Variants in SH3D19 observed in about 807,000 individuals in gnomAD.
The protein encoded by SH3D19 is SH3 domain containing 19.
Under a neutral mutation model 112.1 loss-of-function variants are expected in SH3D19, and 58 were observed. That is an observed-to-expected ratio of 0.52 (90% CI 0.42 to 0.64). SH3D19 has a LOEUF of 0.64. Ranked by LOEUF, SH3D19 falls within the 30% of genes least tolerant of loss-of-function variation. SH3D19 has a pLI of 0.00. For synonymous variants in SH3D19, 391 were observed against 448.5 expected (o/e 0.87, Z 1.62); for missense variants, 1,090 against 1,263.4 (o/e 0.86, Z 2.08).
In SH3D19 at chr4:151,122,181, T is replaced by G; in HGVS notation, c.3054A>C (p.Glu1018Asp). ...FKAGDIITELESVDDDWMSGE... is the reference protein window; with the variant it reads ...FKAGDIITELDSVDDDWMSGE... ...CACTCATCCAGTCATCATCTACAGATTCCAGCTCTGTTATTATATCTCCAG... is the reference window on the plus strand; with the variant it reads ...CACTCATCCAGTCATCATCTACAGAGTCCAGCTCTGTTATTATATCTCCAG... The change falls in exon 20 of 20, where the codon GAA becomes GAC. Residue 1018 changes from glutamate (E) to aspartate (D), a missense_variant. By Grantham distance (45) the Glu-to-Asp change is conservative. Coordinates refer to ENST00000604030, the MANE Select transcript of SH3D19 (RefSeq NM_001378122.1). 6.2e-7 allele frequency: 1 copy of G among 1,607,332 alleles called. No individual in the cohort carries two copies. The highest frequency in any genetic ancestry group is 8.5e-7 in the Non-Finnish European group (1 of 1,174,224).
intron 2 of SH3D19, 80 bp from the exon 3 acceptor site, chr4:151,187,543 G>T: frequency 1.3e-6 from 1 of 799,158 alleles, no homozygotes; most frequent in Non-Finnish European, 1.7e-6. Flanking sequence ...GTCATTTCTG[G>T]GATTCAATAT....
intron 9 of SH3D19, among the ~76,000 whole-genome samples, chr4:151,152,955 C>A (rs766201901): frequency 8.6e-5 from 13 of 151,824 alleles, no homozygotes; most frequent in Non-Finnish European, 1.3e-4. Flanking sequence ...CTTGCCTCAG[C>A]CTCTTGAGTA....
chr4:151,244,304 A>G (rs1184020590), intron 1 of SH3D19, among the ~76,000 whole-genome samples: 1 of 152,206 alleles, frequency 6.6e-6, no homozygotes, highest in East Asian at 1.9e-4. Flanking sequence ...ATATCTTAGT[A>G]TATGAATTTG....
intron 2 of SH3D19, among the ~76,000 whole-genome samples, chr4:151,187,771 GC>G (rs1477220585): frequency 6.6e-6 from 1 of 152,086 alleles, no homozygotes; most frequent in Non-Finnish European, 1.5e-5. Context: ...GCATTACATG[GC>G]GCTCAAAAGA....
At chr4:151,277,429 C>T (rs1773747288) in intron 1 of SH3D19, among the ~76,000 whole-genome samples, 1 of 152,110 alleles carries the variant, frequency 6.6e-6, no homozygotes, top group East Asian at 1.9e-4. Flanking sequence ...CCACAAGATC[C>T]CTATCTTCGT....
intron 18 of SH3D19, 39 bp downstream of exon 18, chr4:151,128,131 C>T (rs751782483): frequency 2.1e-5 from 32 of 1,527,528 alleles, no homozygotes; most frequent in Non-Finnish European, 2.8e-5. Flanking sequence ...TTTCAGGCTC[C>T]CCGTGAGGAG....
At chr4:151,319,011 C>G (rs1199839697) in intron 1 of SH3D19, among the ~76,000 whole-genome samples, 2 of 152,254 alleles carry the variant, frequency 1.3e-5, no homozygotes, top group Non-Finnish European at 2.9e-5. Context: ...ATTTTAGGCA[C>G]CATTTTGCAT....
intron 1 of SH3D19, among the ~76,000 whole-genome samples, chr4:151,232,565 T>C (rs1769699037): frequency 6.6e-6 from 1 of 152,102 alleles, no homozygotes; most frequent in Admixed American, 6.5e-5. Context: ...TCACTTAACC[T>C]CCCTAAGCCT....
chr4:151,144,395 A>G (rs917167521), intron 11 of SH3D19: 12 of 967,754 alleles, frequency 1.2e-5, no homozygotes, highest in East Asian at 1.2e-4. Flanking sequence ...CACCTTCTCC[A>G]GCAGCTAAAC....
intron 2 of SH3D19, among the ~76,000 whole-genome samples, chr4:151,187,893 T>A (rs891647102): frequency 2.6e-5 from 4 of 152,212 alleles, no homozygotes; most frequent in Admixed American, 2.6e-4. Flanking sequence ...CAACAGCATT[T>A]CTTCTTAAGA....
Position 151,325,278 on chromosome 4 carries a change from G to T in SH3D19, c.75C>A (p.Arg25=). ...RERRELGGQR[R]ARGRALSGHS... ...GGCCCGAGAGCGCACGGCCCCGGGC[G>T]CGGCGCTGGCCACCAAGTTCGCGGC... Residue 25 remains arginine, a synonymous_variant, in exon 1 of 20, where the codon CGC becomes CGA. Coordinates refer to ENST00000604030, the MANE Select transcript of SH3D19 (RefSeq NM_001378122.1). 8.2e-7 allele frequency: 1 copy of T among 1,221,688 alleles called. No individual in the cohort carries two copies. The highest frequency in any genetic ancestry group is 1.0e-6 in the Non-Finnish European group (1 of 981,414). 75.7% of individuals were successfully genotyped at this position (1,221,688 alleles called of 1,614,324 possible).
chr4:151,275,640 C>T (rs1773536847), intron 1 of SH3D19, among the ~76,000 whole-genome samples: 1 of 152,114 alleles, frequency 6.6e-6, no homozygotes, highest in African/African-American at 2.4e-5. Flanking sequence ...CCTGCCTCAG[C>T]CTCCCGAGTA....
intron 1 of SH3D19, among the ~76,000 whole-genome samples, chr4:151,234,590 T>C (rs1047828832): frequency 6.6e-6 from 1 of 152,096 alleles, no homozygotes; most frequent in East Asian, 1.9e-4. Flanking sequence ...CTTTTTGTTA[T>C]AAAATATTTT....
chr4:151,320,646 A>G (rs1730441637), intron 1 of SH3D19, among the ~76,000 whole-genome samples: 1 of 152,240 alleles, frequency 6.6e-6, no homozygotes, highest in African/African-American at 2.4e-5. Flanking sequence ...CATAACCAAC[A>G]AAAGTTGAGA....
intron 7 of SH3D19, among the ~76,000 whole-genome samples, chr4:151,172,223 A>T (rs930650884): frequency 9.2e-5 from 14 of 152,172 alleles, no homozygotes; most frequent in Non-Finnish European, 1.9e-4. Flanking sequence ...TGCTACCAAA[A>T]TACCACCAAA....
At chr4:151,179,005 T>C (rs1460312752) in intron 4 of SH3D19, among the ~76,000 whole-genome samples, 1 of 152,192 alleles carries the variant, frequency 6.6e-6, no homozygotes, top group African/African-American at 2.4e-5. Context: ...CAATTTTCTA[T>C]CCTGTCATCC....
intron 3 of SH3D19, among the ~76,000 whole-genome samples, chr4:151,187,094 G>T (rs1022724131): frequency 6.6e-6 from 1 of 151,244 alleles, no homozygotes; most frequent in South Asian, 2.1e-4. Context: ...GCACCCGGCC[G>T]CTACATAAAA....
rs1474956371 is a variant in SH3D19 at position 151,282,019 on chromosome 4, T to C, written c.112+43222A>G. The stretch of plus-strand genomic sequence containing the variant: ...GGAGACAAATCAACCCTAGTTGAAG[T>C]TGGAAGCACCATGGTTAATTCCCAG... On this transcript the variant is annotated intron_variant, in intron 1 of 19. Coordinates refer to ENST00000604030, the MANE Select transcript of SH3D19 (RefSeq NM_001378122.1). 36 of 897,666 alleles carry C rather than the reference T, an allele frequency of 4.0e-5. No individual in the cohort carries two copies. In the South Asian group the frequency reaches 5.4e-4, roughly 14 times the overall value. The allele number at this position is 897,666 out of a possible 1,614,324, so 55.6% of individuals were successfully genotyped here. A position where few individuals can be genotyped will look rare whatever the true frequency, so the allele number is the denominator to read the frequency against.
intron 1 of SH3D19, among the ~76,000 whole-genome samples, chr4:151,235,773 A>C (rs1016408022): frequency 2.6e-5 from 4 of 151,278 alleles, no homozygotes; most frequent in African/African-American, 9.7e-5. Context: ...GTGAAAGAGC[A>C]AGACTCTGTC....
Sources: allele counts gnomAD v4.1 joint callset (sites outside exome capture counted in the v4.1 genomes callset), GRCh38; gene constraint gnomAD v4.1.1; transcripts MANE v1.5; gene names NCBI Gene and HGNC (gene_info 2026-07-23, HGNC 2026-07-21).